The following TPO variants were observed in gnomAD, a reference collection of about 807,000 sequenced individuals.
The protein encoded by TPO is thyroid microsomal antigen.
A neutral mutation model predicts 96.9 loss-of-function variants in TPO; 78 were observed. The observed-to-expected ratio is 0.81, with a 90% CI of 0.67 to 0.97. The LOEUF (loss-of-function observed/expected upper bound fraction) is 0.97. Ranked by LOEUF, TPO falls within the 50% of genes least tolerant of loss-of-function variation. TPO has a pLI of 0.00. For synonymous variants in TPO, 547 were observed against 538.0 expected (o/e 1.02, Z -0.23); for missense variants, 1,252 against 1,274.8 (o/e 0.98, Z 0.27).
intron 11 of TPO, among the ~76,000 whole-genome samples, chr2:1,494,434 C>T (rs984362938): frequency 4.6e-5 from 7 of 152,230 alleles, no homozygotes; most frequent in African/African-American, 7.2e-5. Context: ...AGGCCATGCC[C>T]GGTGCTCATG....
chr2:1,478,069 T>C, intron 8 of TPO: 1 of 985,452 alleles, frequency 1.0e-6, no homozygotes, highest in Non-Finnish European at 1.2e-6. Flanking sequence ...GGTGTTTTTG[T>C]ATTTCAGAGA....
chr2:1,412,545 A>G (rs1253245112), upstream of TPO, among the ~76,000 whole-genome samples: 1 of 152,114 alleles, frequency 6.6e-6, no homozygotes, highest in Non-Finnish European at 1.5e-5. Flanking sequence ...AAGGCAAATC[A>G]TCACATTCTT....
chr2:1,423,321 C>T (rs1663980215), intron 3 of TPO, among the ~76,000 whole-genome samples, 192 bp downstream of exon 3: 2 of 152,202 alleles, frequency 1.3e-5, no homozygotes, highest in Admixed American at 1.3e-4. Context: ...CTTTCTTAAG[C>T]AAGACACAAA....
intron 8 of TPO, 63 bp from the exon 9 acceptor site, chr2:1,484,533 C>T (rs976849200): frequency 3.5e-5 from 56 of 1,609,512 alleles, no homozygotes; most frequent in African/African-American, 8.0e-5. Flanking sequence ...TCCACACTGC[C>T]GCTCGAGGCG....
chr2:1,505,362 C>G (rs1226910630), intron 14 of TPO, among the ~76,000 whole-genome samples: 2 of 148,796 alleles, frequency 1.3e-5, no homozygotes, highest in Non-Finnish European at 3.0e-5. Context: ...CACACACCCC[C>G]ACCCCCGTGT....
At chr2:1,409,938 G>T (rs539525923), upstream of TPO, among the ~76,000 whole-genome samples, 3 of 146,336 alleles carry the variant, frequency 2.1e-5, no homozygotes, top group South Asian at 2.1e-4. Context: ...CTAGGGTTAC[G>T]GGGCAGGTGC....
intron 7 of TPO, among the ~76,000 whole-genome samples, chr2:1,458,867 A>G (rs985295116): frequency 6.6e-6 from 1 of 152,204 alleles, no homozygotes; most frequent in African/African-American, 2.4e-5. Context: ...ATTAATGAGC[A>G]TGAGTTGCCT....
chr2:1,435,220 A>C (rs917996137), intron 4 of TPO, among the ~76,000 whole-genome samples: 4 of 152,196 alleles, frequency 2.6e-5, no homozygotes, highest in African/African-American at 9.7e-5. Flanking sequence ...GGCGTGAGCC[A>C]CCGTACCCGG....
intron 13 of TPO, 164 bp from the exon 14 acceptor site, chr2:1,503,771 CATCACCTTTTCGG>C: frequency 8.5e-7 from 1 of 1,175,382 alleles, no homozygotes; most frequent in East Asian, 2.6e-5. Flanking sequence ...GTCTGCTCCT[CATCACCTTTTCGG>C]ATGTGCCGGG....
chr2:1,452,148 G>A, intron 5 of TPO, among the ~76,000 whole-genome samples: 1 of 152,076 alleles, frequency 6.6e-6, no homozygotes, highest in East Asian at 1.9e-4. Flanking sequence ...GAGCACAAGG[G>A]CCTCAGTGTT....
intron 15 of TPO, among the ~76,000 whole-genome samples, chr2:1,533,994 A>C (rs1678932108): frequency 1.3e-5 from 1 of 74,092 alleles, no homozygotes; most frequent in Admixed American, 1.6e-4. Flanking sequence ...AATCCCCATC[A>C]CTCTGTGTAA....
chr2:1,485,699 G>A (rs1671094063), intron 9 of TPO, among the ~76,000 whole-genome samples: 1 of 151,852 alleles, frequency 6.6e-6, no homozygotes, highest in South Asian at 2.1e-4. Context: ...CTGCATAAAT[G>A]TCTTCTTTGG....
rs1673546327 is a variant in TPO at position 1,507,124 on chromosome 2, C to G, written c.2518+3045C>G. 1.3e-5 allele frequency among the ~76,000 whole-genome samples: 2 copies of G among 152,212 alleles called. 1 individual carries two copies. Among genetic ancestry groups the G allele is most frequent in the South Asian group, 4.1e-4 (2 of 4,826 alleles). ...ATATGGCTAGCCAGTTTTCCCAGCA[C>G]CATTTATTAAATAGGGAATCATTTC... On this transcript the variant is annotated intron_variant, in intron 14 of 16. Transcript: ENST00000329066.
intron 6 of TPO, 144 bp from the exon 7 acceptor site, chr2:1,455,932 C>T: frequency 2.5e-6 from 2 of 806,046 alleles, no homozygotes; most frequent in South Asian, 3.0e-5. Context: ...CTCCTCCTGC[C>T]CTAACTCCAG....
At chr2:1,432,632 A>G (rs1400149299) in intron 3 of TPO, among the ~76,000 whole-genome samples, 3 of 78,812 alleles carry the variant, frequency 3.8e-5, no homozygotes, top group Non-Finnish European at 7.3e-5. Context: ...CCTGCAGGTG[A>G]GGGGAGGCCT....
intron 9 of TPO, among the ~76,000 whole-genome samples, chr2:1,485,446 G>GT (rs1310053003): frequency 1.3e-5 from 2 of 152,104 alleles, no homozygotes; most frequent in Non-Finnish European, 2.9e-5. Context: ...GGGTCAAATG[G>GT]TATTTCTAGT....
chr2:1,512,705 C>T (rs1418684130), intron 14 of TPO, among the ~76,000 whole-genome samples: 2 of 152,216 alleles, frequency 1.3e-5, no homozygotes, highest in Non-Finnish European at 2.9e-5. Context: ...TCAGGCCCTC[C>T]GGAGGCACTG....
intron 15 of TPO, among the ~76,000 whole-genome samples, chr2:1,519,467 C>G (rs1158146336): frequency 6.6e-6 from 1 of 152,170 alleles, no homozygotes; most frequent in Non-Finnish European, 1.5e-5. Flanking sequence ...ATCACCTACT[C>G]TCTCTACAAG....
At chr2:1,409,938 G>A (rs539525923), upstream of TPO, among the ~76,000 whole-genome samples, 33 of 146,336 alleles carry the variant, frequency 2.3e-4, no homozygotes, top group Non-Finnish European at 4.3e-4. Context: ...CTAGGGTTAC[G>A]GGGCAGGTGC....
Sources: gnomAD v4.1 joint callset for allele counts (sites outside exome capture counted in the v4.1 genomes callset) on GRCh38, gnomAD v4.1.1 for gene constraint, MANE v1.5 for transcripts, NCBI Gene and HGNC (gene_info 2026-07-23, HGNC 2026-07-21) for gene names.